Variants in PRKAR2A observed in about 807,000 individuals in gnomAD.
PRKAR2A encodes the protein cAMP-dependent protein kinase type II-alpha regulatory subunit.
Under a neutral mutation model 51.9 loss-of-function variants are expected in PRKAR2A, and 29 were observed. The observed-to-expected ratio is 0.56, with a 90% CI of 0.42 to 0.76. The LOEUF (loss-of-function observed/expected upper bound fraction) is 0.76, where lower values mean the gene tolerates loss of function less well. PRKAR2A is among the 30% of genes least tolerant of loss of function. The pLI is 0.00. For missense variants in PRKAR2A, 445 were observed against 512.1 expected (o/e 0.87, Z 1.26); for synonymous variants, 178 against 186.2 (o/e 0.96, Z 0.36).
intron 5 of PRKAR2A, among the ~76,000 whole-genome samples, chr3:48,782,294 T>TG (rs1461264862): frequency 6.6e-6 from 1 of 152,170 alleles, no homozygotes; most frequent in South Asian, 2.1e-4. Flanking sequence ...AGTGTATTCA[T>TG]GAGTAAAATC....
At chr3:48,826,795 C>T (rs2083075578) in intron 1 of PRKAR2A, among the ~76,000 whole-genome samples, 1 of 151,450 alleles carries the variant, frequency 6.6e-6, no homozygotes, top group South Asian at 2.1e-4. Flanking sequence ...CCAGGAACCC[C>T]AGGAAAAAGG....
At chr3:48,812,411 G>A (rs1190612351) in intron 1 of PRKAR2A, among the ~76,000 whole-genome samples, 5 of 151,864 alleles carry the variant, frequency 3.3e-5, no homozygotes, top group East Asian at 3.9e-4. Context: ...AGGTTCTGAG[G>A]TGTAGTAACA....
At chr3:48,830,813 T>C (rs1171799372) in intron 1 of PRKAR2A, among the ~76,000 whole-genome samples, 1 of 152,160 alleles carries the variant, frequency 6.6e-6, no homozygotes, top group Non-Finnish European at 1.5e-5. Context: ...CTGGGAGTGA[T>C]GAAACACAGT....
chr3:48,782,644 C>T (rs747369283), intron 5 of PRKAR2A, among the ~76,000 whole-genome samples: 30 of 152,106 alleles, frequency 2.0e-4, no homozygotes, highest in Non-Finnish European at 3.1e-4. Context: ...TTAGTAGATA[C>T]GGGGTTTCAC....
At chr3:48,821,231 C>T (rs768267702) in intron 1 of PRKAR2A, among the ~76,000 whole-genome samples, 4 of 152,070 alleles carry the variant, frequency 2.6e-5, no homozygotes, top group Non-Finnish European at 4.4e-5. Flanking sequence ...CACTACTTAC[C>T]CAGGGGCAGA....
chr3:48,810,577 C>T (rs1215800724), intron 1 of PRKAR2A, among the ~76,000 whole-genome samples: 2 of 152,046 alleles, frequency 1.3e-5, no homozygotes, highest in South Asian at 4.1e-4. Flanking sequence ...CAACACTGCA[C>T]TTCAGCCTGG....
At chr3:48,798,805 C>T (rs989349081) in intron 2 of PRKAR2A, among the ~76,000 whole-genome samples, 6 of 151,846 alleles carry the variant, frequency 4.0e-5, no homozygotes, top group African/African-American at 7.3e-5. Flanking sequence ...GAATTACAGG[C>T]GCACACCACC....
At chr3:48,789,316 CAA>C (rs1399227027) in intron 4 of PRKAR2A, among the ~76,000 whole-genome samples, 1 of 152,054 alleles carries the variant, frequency 6.6e-6, no homozygotes, top group East Asian at 1.9e-4. Context: ...CTACTGATGT[CAA>C]TTGGAACACA....
At position 48,847,784 on chromosome 3, in the gene PRKAR2A, G is replaced by A; in HGVS notation, c.-188C>T. On this transcript the variant is annotated 5_prime_UTR_variant, in exon 1 of 11. Coordinates refer to ENST00000265563, the MANE Select transcript of PRKAR2A (RefSeq NM_004157.4). This position sits in a 1 kb window ranked among gnomAD's most constrained non-coding sequence, Gnocchi z 4.4. ...AACCCTACGCTACCACGGCCGACCT[G>A]GCACCGCCGCCGCTGTCACTGGGCA... The A allele has an allele frequency of 5.7e-6, 3 of 526,732 alleles. No individual in the cohort carries two copies. The highest frequency in any genetic ancestry group is 8.8e-6 in the Non-Finnish European group (3 of 341,760). The allele number at this position is 526,732 out of a possible 1,614,324, so 32.6% of individuals were successfully genotyped here. A position where few individuals can be genotyped will look rare whatever the true frequency, so the allele number is the denominator to read the frequency against.
chr3:48,787,063 G>A lies in PRKAR2A; in HGVS notation c.435+3481C>T, dbSNP rs576582136. The stretch of plus-strand genomic sequence containing the variant: ...TAAAGACTGAAAACTGCCACAGATT[G>A]GAGGAGACTAAGAAGAAATAACTGC... On this transcript the variant is annotated intron_variant, in intron 4 of 10. Transcript: ENST00000265563. 2.4e-3 allele frequency among the ~76,000 whole-genome samples: 362 copies of A among 152,228 alleles called. 2 individuals carry two copies. Among genetic ancestry groups the A allele is most frequent in the African/African-American group, 8.3e-3 (344 of 41,540 alleles).
At chr3:48,803,192 T>C (rs2082617458) in intron 2 of PRKAR2A, among the ~76,000 whole-genome samples, 1 of 152,060 alleles carries the variant, frequency 6.6e-6, no homozygotes, top group African/African-American at 2.4e-5. Context: ...GACAAGAGGA[T>C]AGTTTGAAAC....
Position 48,847,302 on chromosome 3 carries a change from G to A in PRKAR2A, c.262+33C>T. On this transcript the variant is annotated intron_variant, in intron 1 of 10. Coordinates refer to ENST00000265563, the MANE Select transcript of PRKAR2A (RefSeq NM_004157.4). This position sits in a 1 kb window ranked among gnomAD's most constrained non-coding sequence, Gnocchi z 4.4. ...CCCTCTAGACCTCTGGAGACCTCCT[G>A]CACCACTCCCCAGGGCCCCGCCCAC... The A allele has an allele frequency of 1.9e-6, 3 of 1,610,674 alleles. No homozygotes were observed. Among genetic ancestry groups the A allele is most frequent in the Non-Finnish European group, 2.5e-6 (3 of 1,178,384 alleles).
At chr3:48,772,810 T>C (rs1442700170) in intron 6 of PRKAR2A, 145 bp downstream of exon 6, 2 of 831,560 alleles carry the variant, frequency 2.4e-6, no homozygotes, top group African/African-American at 3.5e-5. Context: ...CTGGCTATTT[T>C]TTTTGTATTT....
chr3:48,835,801 C>T lies in PRKAR2A; in HGVS notation c.262+11534G>A, dbSNP rs577541470. The stretch of plus-strand genomic sequence containing the variant: ...GACTCAGTCTCAAAAAAAAAAAATT[C>T]TAGGGACCCAAAATAGCCAAAACAA... On this transcript the variant is annotated intron_variant, in intron 1 of 10. Coordinates refer to ENST00000265563, the MANE Select transcript of PRKAR2A (RefSeq NM_004157.4). Among the ~76,000 whole-genome samples, 11 of 151,598 alleles carry T rather than the reference C, an allele frequency of 7.3e-5. No individual in the cohort carries two copies. The East Asian group carries it at 1.8e-3, about 24-fold the overall frequency.
At chr3:48,791,589 T>A in intron 3 of PRKAR2A, among the ~76,000 whole-genome samples, 1 of 47,398 alleles carries the variant, frequency 2.1e-5, no homozygotes, top group Non-Finnish European at 3.6e-5. Context: ...CAAGATTCCG[T>A]CTCAAAAAAA....
chr3:48,753,482 C>A (rs1367644275), intron 9 of PRKAR2A, among the ~76,000 whole-genome samples: 1 of 152,110 alleles, frequency 6.6e-6, no homozygotes, highest in Non-Finnish European at 1.5e-5. Flanking sequence ...CGGTTTGACC[C>A]TTCTTCCTTC....
At chr3:48,784,913 A>T (rs1407452556) in intron 4 of PRKAR2A, among the ~76,000 whole-genome samples, 3 of 152,130 alleles carry the variant, frequency 2.0e-5, no homozygotes, top group Admixed American at 2.0e-4. Flanking sequence ...GTGATTCATG[A>T]TGTTAGGTGA....
chr3:48,819,395 C>T (rs1052022755), intron 1 of PRKAR2A, among the ~76,000 whole-genome samples: 5 of 152,162 alleles, frequency 3.3e-5, no homozygotes, highest in Non-Finnish European at 5.9e-5. Context: ...TGCATCATCA[C>T]ATATACCCTT....
At chr3:48,841,126 T>C (rs1575962942) in intron 1 of PRKAR2A, among the ~76,000 whole-genome samples, 1 of 150,956 alleles carries the variant, frequency 6.6e-6, no homozygotes. Context: ...CCTCAGGTGA[T>C]CCGCCCGCCT....
Sources: gnomAD v4.1 joint callset for allele counts (sites outside exome capture counted in the v4.1 genomes callset) on GRCh38, gnomAD v4.1.1 for gene constraint, Gnocchi (gnomAD v3.1) non-coding constraint, MANE v1.5 for transcripts, NCBI Gene and HGNC (gene_info 2026-07-23, HGNC 2026-07-21) for gene names.